EPN2: variants seen among roughly 807,000 people sequenced by gnomAD.
The protein encoded by EPN2 is epsin-2.
A neutral mutation model predicts 61.7 loss-of-function variants in EPN2; 34 were observed. The observed-to-expected ratio is 0.55, with a 90% confidence interval of 0.42 to 0.73. The LOEUF is 0.73. Among genes scored for constraint, EPN2 ranks in the 30% least tolerant of loss-of-function variants. The pLI, the probability that EPN2 is intolerant of heterozygous loss-of-function variation, is 0.00. For synonymous variants in EPN2, 349 were observed against 353.6 expected (o/e 0.99, Z 0.15); for missense variants, 714 against 839.2 (o/e 0.85, Z 1.84).
intron 1 of EPN2, among the ~76,000 whole-genome samples, chr17:19,279,035 C>T (rs947381703): frequency 1.3e-5 from 2 of 152,024 alleles, no homozygotes; most frequent in African/African-American, 2.4e-5. Context: ...GGCCTTATTT[C>T]GTTTTTTTTT....
At chr17:19,312,317 C>A (rs1357327748) in intron 6 of EPN2, among the ~76,000 whole-genome samples, 173 bp downstream of exon 6, 1 of 152,222 alleles carries the variant, frequency 6.6e-6, no homozygotes, top group Non-Finnish European at 1.5e-5. Context: ...TGAAAACACA[C>A]CTGAACTAAC....
At chr17:19,259,308 C>CTTTTTTTTTTTT (rs776768357) in intron 1 of EPN2, among the ~76,000 whole-genome samples, 2 of 96,192 alleles carry the variant, frequency 2.1e-5, no homozygotes, top group African/African-American at 9.2e-5. Context: ...AGTGTTGGGT[C>CTTTTTTTTTTTT]TTTTTTTTTT....
At chr17:19,329,343 A>G (rs1419941848) in intron 8 of EPN2, 2 of 511,462 alleles carry the variant, frequency 3.9e-6, no homozygotes, top group Non-Finnish European at 6.9e-6. Context: ...GGCATCCCAC[A>G]CCCTGTCCTG....
chr17:19,247,220 G>T (rs141975756), intron 1 of EPN2, among the ~76,000 whole-genome samples: 3 of 152,296 alleles, frequency 2.0e-5, no homozygotes, highest in Non-Finnish European at 2.9e-5. Context: ...GGCATTTCAA[G>T]GACAGTTTCA....
Position 19,283,137 on chromosome 17 carries a change from C to T in EPN2, c.18C>T (p.Ile6=). The change falls in exon 3 of 11, where the codon ATC becomes ATT. Residue 6 remains isoleucine (I), a synonymous_variant. Coordinates refer to ENST00000314728, the MANE Select transcript of EPN2 (RefSeq NM_014964.5). This position sits in a 1 kb window ranked among gnomAD's most constrained non-coding sequence, Gnocchi z 7.0. MTTSS[I]RRQMKNIVNN... ...AAATAAAAATGACGACTTCGTCTAT[C>T]AGACGGCAGATGAAAAACATCGTGA... 1 of 1,610,264 alleles carries T rather than the reference C, an allele frequency of 6.2e-7. No individual in the cohort carries two copies. Among genetic ancestry groups the T allele is most frequent in the Non-Finnish European group, 8.5e-7 (1 of 1,178,336 alleles).
intron 9 of EPN2, 118 bp downstream of exon 9, chr17:19,329,765 G>T (rs1907073507): frequency 3.1e-6 from 2 of 646,674 alleles, no homozygotes; most frequent in Non-Finnish European, 5.4e-6. Flanking sequence ...TTTGTATTTT[G>T]ATCTTGGGAG....
chr17:19,260,255 C>T (rs1213253535), intron 1 of EPN2, among the ~76,000 whole-genome samples: 3 of 152,154 alleles, frequency 2.0e-5, no homozygotes, highest in African/African-American at 7.2e-5. Context: ...GATTTGTGCA[C>T]GATGCTTTGG....
intron 4 of EPN2, among the ~76,000 whole-genome samples, chr17:19,307,420 C>T (rs1255394593): frequency 1.3e-5 from 2 of 152,072 alleles, no homozygotes; most frequent in Non-Finnish European, 2.9e-5. Context: ...ATGCCATTTT[C>T]CTACCTCAGC....
At chr17:19,303,255 C>T (rs570698547) in intron 4 of EPN2, among the ~76,000 whole-genome samples, 5 of 152,318 alleles carry the variant, frequency 3.3e-5, no homozygotes, top group African/African-American at 9.6e-5. Flanking sequence ...CAGTCACACA[C>T]CTCACAAAAT....
At chr17:19,293,072 A>AT (rs988020307) in intron 4 of EPN2, among the ~76,000 whole-genome samples, 1 of 151,974 alleles carries the variant, frequency 6.6e-6, no homozygotes, top group African/African-American at 2.4e-5. Flanking sequence ...CTGTATTATT[A>AT]TTTTTTTCTT....
intron 1 of EPN2, among the ~76,000 whole-genome samples, chr17:19,251,043 C>T (rs2045010072): frequency 6.6e-6 from 1 of 152,164 alleles, no homozygotes; most frequent in African/African-American, 2.4e-5. Context: ...CCTTTTCTGG[C>T]ACCCAACACT....
chr17:19,328,697 C>T lies in EPN2; in HGVS notation c.1148-14C>T. On this transcript the variant is annotated splice_polypyrimidine_tract_variant and intron_variant, in intron 7 of 10. Transcript: ENST00000314728. ...CTGAAGGCATTTCTGAGCCCTGACC[C>T]TGCCTTCCAACAGGTACCAAGCCAG... 1.3e-6 allele frequency: 2 copies of T among 1,594,174 alleles called. No individual in the cohort carries two copies. The highest frequency in any genetic ancestry group is 2.3e-5 in the East Asian group (1 of 44,388).
chr17:19,258,986 A>G (rs548293388), intron 1 of EPN2, among the ~76,000 whole-genome samples: 2 of 152,340 alleles, frequency 1.3e-5, no homozygotes, highest in African/African-American at 2.4e-5. Context: ...TAAGAAATCC[A>G]TTTGATAGAA....
In EPN2 at chr17:19,285,524, C is replaced by A; in HGVS notation, c.596-96C>A. 3.7e-6 allele frequency: 5 copies of A among 1,361,544 alleles called. No individual in the cohort carries two copies. In the South Asian group the frequency reaches 8.8e-5, roughly 24 times the overall value. 84.3% of individuals were successfully genotyped at this position (1,361,544 alleles called of 1,614,324 possible). A position where few individuals can be genotyped will look rare whatever the true frequency, so the allele number is the denominator to read the frequency against. On this transcript the variant is annotated intron_variant, in intron 3 of 10. Coordinates refer to ENST00000314728, the MANE Select transcript of EPN2 (RefSeq NM_014964.5). The surrounding 1 kb of genome is among the most constrained non-coding windows in gnomAD (Gnocchi z 4.5). ...CCACCGCAGTGGGCTGCGGGGTTGA[C>A]CCCGAGTGGCCTTGGCCCGTACCTC...
chr17:19,289,687 A>G (rs1301389202), intron 4 of EPN2, among the ~76,000 whole-genome samples: 2 of 142,282 alleles, frequency 1.4e-5, no homozygotes, highest in Non-Finnish European at 3.0e-5. Flanking sequence ...GACAGTGCTT[A>G]TAGCCGTCAG....
chr17:19,300,907 G>C lies in EPN2; in HGVS notation c.767-8978G>C, dbSNP rs567814212. On this transcript the variant is annotated intron_variant, in intron 4 of 10. Transcript: ENST00000314728. Reference sequence around the variant, plus strand: ...AAACGGATGGACCCCCTGCCCTGTGGAGCTCCCAGTCTGATGAGAGACTGG... The same window carrying C: ...AAACGGATGGACCCCCTGCCCTGTGCAGCTCCCAGTCTGATGAGAGACTGG... Among the ~76,000 whole-genome samples the C allele has an allele frequency of 5.9e-5, 9 of 152,284 alleles. No homozygotes were observed. In the South Asian group the frequency reaches 8.3e-4, roughly 14 times the overall value.
chr17:19,307,163 C>G (rs1328914379), intron 4 of EPN2, among the ~76,000 whole-genome samples: 2 of 152,132 alleles, frequency 1.3e-5, no homozygotes, highest in Non-Finnish European at 2.9e-5. Context: ...ATTAAGAAAT[C>G]AAGTTGTTAA....
chr17:19,276,034 C>T (rs187690464), intron 1 of EPN2, among the ~76,000 whole-genome samples: 1 of 152,230 alleles, frequency 6.6e-6, no homozygotes. Context: ...GTGTCAGCAC[C>T]CTGATTTCTT....
At chr17:19,258,506 A>G (rs2045106059) in intron 1 of EPN2, among the ~76,000 whole-genome samples, 2 of 152,150 alleles carry the variant, frequency 1.3e-5, no homozygotes, top group Non-Finnish European at 2.9e-5. Flanking sequence ...TTGGGTTGAC[A>G]ATGGGAAATT....
Sources: gnomAD v4.1 joint callset for allele counts (sites outside exome capture counted in the v4.1 genomes callset) on GRCh38, gnomAD v4.1.1 for gene constraint, Gnocchi (gnomAD v3.1) non-coding constraint, MANE v1.5 for transcripts, NCBI Gene and HGNC (gene_info 2026-07-23, HGNC 2026-07-21) for gene names.